The following PARD3B variants were observed in gnomAD, a reference collection of about 807,000 sequenced individuals.
PARD3B encodes par-3 family cell polarity regulator beta.
A neutral mutation model predicts 130.2 loss-of-function variants in PARD3B; 103 were observed. The observed-to-expected ratio is 0.79, with a 90% CI of 0.67 to 0.93. PARD3B has a LOEUF of 0.93. PARD3B is among the 40% of genes least tolerant of loss of function. The pLI is 0.00. For synonymous variants in PARD3B, 583 were observed against 553.2 expected (o/e 1.05, Z -0.76); for missense variants, 1,609 against 1,499.2 (o/e 1.07, Z -1.21).
intron 2 of PARD3B, among the ~76,000 whole-genome samples, chr2:204,815,603 G>A (rs1267647955): frequency 1.3e-5 from 2 of 151,886 alleles, no homozygotes; most frequent in Non-Finnish European, 2.9e-5. Flanking sequence ...TTTGTGAAGA[G>A]GTCATTGATT....
At chr2:205,034,693 T>C (rs1238443530) in intron 3 of PARD3B, among the ~76,000 whole-genome samples, 1 of 152,154 alleles carries the variant, frequency 6.6e-6, no homozygotes, top group African/African-American at 2.4e-5. Context: ...AAAAATTATA[T>C]AGAAATGAAT....
intron 10 of PARD3B, among the ~76,000 whole-genome samples, chr2:205,153,928 A>C (rs1575980642): frequency 6.6e-6 from 1 of 152,246 alleles, no homozygotes; most frequent in Non-Finnish European, 1.5e-5. Flanking sequence ...TGTTAGACCT[A>C]AAAGCATAAA....
intron 11 of PARD3B, among the ~76,000 whole-genome samples, chr2:205,164,722 A>T (rs1413515341): frequency 6.6e-6 from 1 of 152,014 alleles, no homozygotes; most frequent in African/African-American, 2.4e-5. Flanking sequence ...ACAAAAGTTG[A>T]TATAGCATGG....
rs766787321 is a variant in PARD3B, at chr2:205,158,738, G to T, written c.1451G>T (p.Cys484Phe). ...CCCTAACAGAAAGGAGAACCTGACT[G>T]CTGTGCACTCTCTCTGGAGACAAGC... ...LPRELKGEPDCCALSLETSEQ... is the reference protein window; with the variant it reads ...LPRELKGEPDFCALSLETSEQ... Residue 484 changes from cysteine to phenylalanine, a missense_variant, in exon 11 of 23, where the codon TGC (cysteine) becomes TTC (phenylalanine). By Grantham distance (205) the Cys-to-Phe change is radical. Coordinates refer to ENST00000406610, the MANE Select transcript of PARD3B (RefSeq NM_001302769.2). This position sits in a 1 kb window ranked among gnomAD's most constrained non-coding sequence, Gnocchi z 5.4. 5.0e-6 allele frequency: 8 copies of T among 1,613,672 alleles called. No individual in the cohort carries two copies. Among genetic ancestry groups the T allele is most frequent in the African/African-American group, 1.3e-5 (1 of 75,012 alleles).
At chr2:204,755,246 C>T (rs2040617104) in intron 2 of PARD3B, among the ~76,000 whole-genome samples, 1 of 152,076 alleles carries the variant, frequency 6.6e-6, no homozygotes, top group Non-Finnish European at 1.5e-5. Context: ...GGAAGTATGG[C>T]AGTGAACACT....
At chr2:204,762,064 A>G (rs1020713182) in intron 2 of PARD3B, among the ~76,000 whole-genome samples, 1 of 150,770 alleles carries the variant, frequency 6.6e-6, no homozygotes, top group African/African-American at 2.4e-5. Context: ...AAAATCAGAT[A>G]ATGCTTATAT....
intron 2 of PARD3B, among the ~76,000 whole-genome samples, chr2:204,820,900 T>G (rs182641703): frequency 6.6e-6 from 1 of 152,268 alleles, no homozygotes; most frequent in African/African-American, 2.4e-5. Flanking sequence ...TATACTAAAT[T>G]TACCATATCT....
chr2:204,810,637 C>CT (rs1041542090), intron 2 of PARD3B, among the ~76,000 whole-genome samples: 19 of 151,956 alleles, frequency 1.3e-4, no homozygotes, highest in Non-Finnish European at 2.2e-4. Context: ...TTGAACCAAC[C>CT]TTGCATATCA....
At chr2:205,545,451 A>AAATG (rs2052340986) in intron 21 of PARD3B, among the ~76,000 whole-genome samples, 1 of 152,236 alleles carries the variant, frequency 6.6e-6, no homozygotes, top group Non-Finnish European at 1.5e-5. Context: ...TACCAACTTG[A>AAATG]AATGAAAGGC....
At chr2:204,847,091 A>G (rs1414269071) in intron 2 of PARD3B, among the ~76,000 whole-genome samples, 2 of 152,038 alleles carry the variant, frequency 1.3e-5, no homozygotes, top group Non-Finnish European at 2.9e-5. Context: ...GTATTTCTAT[A>G]TCCTGAAACT....
At chr2:204,991,796 G>C (rs1693709166) in intron 3 of PARD3B, among the ~76,000 whole-genome samples, 1 of 151,724 alleles carries the variant, frequency 6.6e-6, no homozygotes, top group African/African-American at 2.4e-5. Flanking sequence ...GTATCTCATA[G>C]TGGTTTTGAT....
At chr2:205,123,890 A>T (rs1284254937) in intron 8 of PARD3B, among the ~76,000 whole-genome samples, 1 of 152,122 alleles carries the variant, frequency 6.6e-6, no homozygotes, top group Non-Finnish European at 1.5e-5. Context: ...TGACCAGACA[A>T]TGGGATGCAG....
chr2:204,995,104 T>C (rs1277405583), intron 3 of PARD3B, among the ~76,000 whole-genome samples: 46 of 152,010 alleles, frequency 3.0e-4, no homozygotes, highest in Admixed American at 3.0e-3. Flanking sequence ...TTGTTATGTG[T>C]GAATTTGATC....
In PARD3B at chr2:205,440,764, A is replaced by G. The variant is rs1291281278; in HGVS notation, c.3044+92A>G. 2.3e-6 allele frequency: 3 copies of G among 1,326,892 alleles called. No homozygotes were observed. The highest frequency in any genetic ancestry group is 3.1e-6 in the Non-Finnish European group (3 of 967,224). The allele number at this position is 1,326,892 out of a possible 1,614,324, so 82.2% of individuals were successfully genotyped here. A position where few individuals can be genotyped will look rare whatever the true frequency, so the allele number is the denominator to read the frequency against. On this transcript the variant is annotated intron_variant, in intron 20 of 22. Coordinates refer to ENST00000406610, the MANE Select transcript of PARD3B (RefSeq NM_001302769.2). This position sits in a 1 kb window ranked among gnomAD's most constrained non-coding sequence, Gnocchi z 4.2. ...AAACCGATAAAAAATGTCTCCTTCA[A>G]TCAATTAAAACTGAAACGAGTCAGT...
intron 2 of PARD3B, among the ~76,000 whole-genome samples, chr2:204,790,352 G>A (rs2042158249): frequency 6.6e-6 from 1 of 152,070 alleles, no homozygotes; most frequent in African/African-American, 2.4e-5. Context: ...CATGAAGAGG[G>A]GTTTTTTATA....
intron 20 of PARD3B, among the ~76,000 whole-genome samples, chr2:205,449,795 A>T (rs779682341): frequency 2.6e-5 from 4 of 152,232 alleles, no homozygotes; most frequent in Non-Finnish European, 4.4e-5. Context: ...TTTATTGAGC[A>T]TCTGTTGTGT....
intron 15 of PARD3B, among the ~76,000 whole-genome samples, chr2:205,216,292 A>G (rs979507890): frequency 3.5e-4 from 53 of 152,130 alleles, no homozygotes; most frequent in African/African-American, 1.2e-3. Context: ...AGTACGTGTT[A>G]TGATGTTCAC....
chr2:205,130,016 G>A (rs1389503811), intron 10 of PARD3B, among the ~76,000 whole-genome samples: 1 of 152,144 alleles, frequency 6.6e-6, no homozygotes, highest in Non-Finnish European at 1.5e-5. Context: ...GGCAGACCGG[G>A]TTGAAAATCA....
At chr2:204,853,274 G>A (rs943738324) in intron 2 of PARD3B, among the ~76,000 whole-genome samples, 1 of 152,070 alleles carries the variant, frequency 6.6e-6, no homozygotes, top group African/African-American at 2.4e-5. Context: ...AATACAAGGA[G>A]AATTTTAGAA....
Sources: gnomAD v4.1 joint callset for allele counts (sites outside exome capture counted in the v4.1 genomes callset) on GRCh38, gnomAD v4.1.1 for gene constraint, Gnocchi (gnomAD v3.1) non-coding constraint, MANE v1.5 for transcripts, NCBI Gene and HGNC (gene_info 2026-07-23, HGNC 2026-07-21) for gene names.